VPS13B: variants seen among roughly 807,000 people sequenced by gnomAD.
VPS13B encodes intermembrane lipid transfer protein VPS13B.
VPS13B carries 285 observed loss-of-function variants against 426.4 expected under a neutral mutation model. The observed-to-expected ratio is 0.67, with a 90% CI of 0.61 to 0.74. The LOEUF (loss-of-function observed/expected upper bound fraction) is 0.74, where lower values mean the gene tolerates loss of function less well. Among genes scored for constraint, VPS13B ranks in the 30% least tolerant of loss-of-function variants. VPS13B has a pLI of 0.00. For missense variants in VPS13B, 4,537 were observed against 4,782.6 expected (o/e 0.95, Z 1.51); for synonymous variants, 1,676 against 1,676.4 (o/e 1.00, Z 0.01).
chr8:99,157,958 A>T (rs1260690177), intron 15 of VPS13B, among the ~76,000 whole-genome samples: 1 of 152,240 alleles, frequency 6.6e-6, no homozygotes, highest in Non-Finnish European at 1.5e-5. Context: ...TCAATTCTGT[A>T]AATGCTGAGA....
At chr8:99,105,265 A>T (rs1007037020) in intron 5 of VPS13B, among the ~76,000 whole-genome samples, 1 of 152,224 alleles carries the variant, frequency 6.6e-6, no homozygotes, top group African/African-American at 2.4e-5. Flanking sequence ...GGAAAGAAAT[A>T]TTTGATTAAA....
rs1810848924 is a variant in VPS13B, at chr8:99,148,162, G to T, written c.2013+152G>T. 16 of 850,698 alleles carry T rather than the reference G, an allele frequency of 1.9e-5. 2 individuals are homozygous for T. In the South Asian group the frequency reaches 2.5e-4, roughly 13 times the overall value. The allele number at this position is 850,698 out of a possible 1,614,324, so 52.7% of individuals were successfully genotyped here. A position where few individuals can be genotyped will look rare whatever the true frequency, so the allele number is the denominator to read the frequency against. On this transcript the variant is annotated intron_variant, in intron 14 of 61. Transcript: ENST00000357162. ...GGAGGCTGGGGCAGGATGCACACTT[G>T]AGGCCAAGAGTTTGAGACCAGCCTA...
chr8:99,049,650 C>T (rs547313444), intron 3 of VPS13B, among the ~76,000 whole-genome samples: 2 of 151,970 alleles, frequency 1.3e-5, no homozygotes, highest in South Asian at 2.1e-4. Context: ...TGTGCCTAGG[C>T]GATGATCTTT....
At chr8:99,792,118 G>C (rs1021684271) in intron 43 of VPS13B, among the ~76,000 whole-genome samples, 8 of 152,080 alleles carry the variant, frequency 5.3e-5, no homozygotes, top group African/African-American at 1.7e-4. Flanking sequence ...TGCTCACCCA[G>C]GTATGAGAAT....
intron 17 of VPS13B, chr8:99,233,426 T>C: frequency 8.0e-7 from 1 of 1,253,620 alleles, no homozygotes; most frequent in Non-Finnish European, 1.2e-6. Context: ...AGCTGTTTGA[T>C]GTGTGCCCCT....
At chr8:99,351,593 C>G (rs1811899782) in intron 19 of VPS13B, among the ~76,000 whole-genome samples, 1 of 152,194 alleles carries the variant, frequency 6.6e-6, no homozygotes, top group East Asian at 1.9e-4. Flanking sequence ...TTACCTCTCT[C>G]AAAATGTGGT....
chr8:99,275,271 CATT>C lies in VPS13B; in HGVS notation c.2824+21_2824+23del. The C allele has an allele frequency of 7.0e-7, 1 of 1,433,084 alleles. No individual in the cohort carries two copies. Among genetic ancestry groups the C allele is most frequent in the Non-Finnish European group, 9.5e-7 (1 of 1,052,828 alleles). The allele number at this position is 1,433,084 out of a possible 1,614,324, so 88.8% of individuals were successfully genotyped here. ...ACAATTCCGGTAAGTACAAACCTAT[CATT>C]ATTCCCTTGTTTTGCTTTTTTTTTT... On this transcript the variant is annotated intron_variant, in intron 19 of 61. Transcript: ENST00000357162.
At chr8:99,400,013 A>G (rs960799156) in intron 21 of VPS13B, among the ~76,000 whole-genome samples, 1 of 152,072 alleles carries the variant, frequency 6.6e-6, no homozygotes, top group African/African-American at 2.4e-5. Flanking sequence ...TTTTTCTAGG[A>G]TTGTAAAGCA....
intron 23 of VPS13B, among the ~76,000 whole-genome samples, chr8:99,462,552 C>G (rs201560077): frequency 6.6e-6 from 1 of 152,130 alleles, no homozygotes; most frequent in East Asian, 1.9e-4. Flanking sequence ...TATCATCTTT[C>G]ACTGATAGTT....
intron 27 of VPS13B, among the ~76,000 whole-genome samples, chr8:99,506,240 T>C (rs768713513): frequency 5.9e-4 from 90 of 152,202 alleles, no homozygotes; most frequent in Non-Finnish European, 1.0e-3. Flanking sequence ...ATTATGTATA[T>C]GGATATGATA....
intron 22 of VPS13B, among the ~76,000 whole-genome samples, chr8:99,436,436 T>G (rs1282748381): frequency 6.6e-6 from 1 of 152,114 alleles, no homozygotes; most frequent in Non-Finnish European, 1.5e-5. Flanking sequence ...AACATAAAAT[T>G]TACCTTCCTT....
At chr8:99,075,566 T>C (rs185137794) in intron 3 of VPS13B, among the ~76,000 whole-genome samples, 21 of 152,282 alleles carry the variant, frequency 1.4e-4, no homozygotes, top group Non-Finnish European at 2.5e-4. Flanking sequence ...CCAAGCTATA[T>C]CAATTGGTCT....
intron 19 of VPS13B, among the ~76,000 whole-genome samples, chr8:99,313,966 C>T (rs905645201): frequency 6.6e-6 from 1 of 152,146 alleles, no homozygotes; most frequent in African/African-American, 2.4e-5. Context: ...ACCCTCCAAG[C>T]CAGGCACGGG....
rs1832399158 is a variant in VPS13B at position 99,704,059 on chromosome 8, A to T, written c.6454+4127A>T. Among the ~76,000 whole-genome samples, 3 of 152,248 alleles carry T rather than the reference A, an allele frequency of 2.0e-5. No homozygotes were observed. In the South Asian group the frequency reaches 6.2e-4, roughly 32 times the overall value. ...TCAGAATAGGGAAGAAGTTAGAAGG[A>T]TCCCCTGTCCATAAGGACTTGGGTG... On this transcript the variant is annotated intron_variant, in intron 36 of 61. Coordinates refer to ENST00000357162, the MANE Select transcript of VPS13B (RefSeq NM_152564.5).
chr8:99,152,908 G>A (rs547254559), intron 14 of VPS13B, among the ~76,000 whole-genome samples: 1 of 152,226 alleles, frequency 6.6e-6, no homozygotes, highest in East Asian at 1.9e-4. Flanking sequence ...TGGGTGTGGT[G>A]GCTCATGCTT....
chr8:99,196,247 G>A (rs1297502437), intron 17 of VPS13B, among the ~76,000 whole-genome samples: 1 of 151,596 alleles, frequency 6.6e-6, no homozygotes, highest in Non-Finnish European at 1.5e-5. Flanking sequence ...ATACTTTTTA[G>A]TATACAGACC....
chr8:99,128,451 A>G (rs1292924880), intron 8 of VPS13B, among the ~76,000 whole-genome samples: 1 of 146,270 alleles, frequency 6.8e-6, no homozygotes, highest in Admixed American at 6.9e-5. Context: ...CAGCACTTAG[A>G]AATTGCCTGG....
chr8:99,763,157 AAAAAAAAAGAAG>A (rs1306376811), intron 39 of VPS13B, among the ~76,000 whole-genome samples: 11 of 148,068 alleles, frequency 7.4e-5, no homozygotes, highest in African/African-American at 2.7e-4. Flanking sequence ...AAAAAAAAAA[AAAAAAAAAGAAG>A]AGAAAAATTA....
chr8:99,815,324 A>C (rs960093645), intron 44 of VPS13B, among the ~76,000 whole-genome samples: 1 of 152,084 alleles, frequency 6.6e-6, no homozygotes, highest in African/African-American at 2.4e-5. Context: ...AAGTCTGGCA[A>C]GTTCAAGACC....
Sources: allele counts gnomAD v4.1 joint callset (sites outside exome capture counted in the v4.1 genomes callset), GRCh38; gene constraint gnomAD v4.1.1; transcripts MANE v1.5; gene names NCBI Gene and HGNC (gene_info 2026-07-23, HGNC 2026-07-21).